RBFOX1: variants seen among roughly 807,000 people sequenced by gnomAD.
The protein encoded by RBFOX1 is RNA binding fox-1 homolog 1, also known as RNA binding protein fox-1 homolog 1.
A neutral mutation model predicts 57.7 loss-of-function variants in RBFOX1; 8 were observed. The observed-to-expected ratio is 0.14, with a 90% CI of 0.08 to 0.25. The LOEUF (loss-of-function observed/expected upper bound fraction) is 0.25, where lower values mean the gene tolerates loss of function less well. Among genes scored for constraint, RBFOX1 ranks in the 10% least tolerant of loss-of-function variants. The probability of loss-of-function intolerance (pLI) is 1.00; values close to 1 mark genes in which losing one functional copy is unlikely to be tolerated. For synonymous variants in RBFOX1, 326 were observed against 222.4 expected (o/e 1.47, Z -4.15); for missense variants, 611 against 548.5 (o/e 1.11, Z -1.14).
chr16:7,446,348 A>G (rs1349667293), intron 4 of RBFOX1, among the ~76,000 whole-genome samples: 3 of 152,166 alleles, frequency 2.0e-5, no homozygotes, highest in Non-Finnish European at 4.4e-5. Context: ...AGGAATGAAA[A>G]TGGTGTGAAT....
chr16:6,292,852 T>A (rs2077613256), intron 1 of RBFOX1, among the ~76,000 whole-genome samples: 1 of 152,224 alleles, frequency 6.6e-6, no homozygotes. Context: ...ACTTCCGTTT[T>A]CTACTTCTTA....
chr16:6,557,832 T>A (rs1337767894), intron 2 of RBFOX1, among the ~76,000 whole-genome samples: 1 of 152,208 alleles, frequency 6.6e-6, no homozygotes, highest in Admixed American at 6.5e-5. Context: ...TAAGTAGATT[T>A]GTAGGCTAAT....
intron 1 of RBFOX1, among the ~76,000 whole-genome samples, chr16:6,271,685 T>C (rs1344404514): frequency 1.3e-5 from 2 of 152,194 alleles, no homozygotes; most frequent in African/African-American, 4.8e-5. Context: ...CACAAACTTA[T>C]CTTTGACAAC....
intron 4 of RBFOX1, among the ~76,000 whole-genome samples, chr16:7,308,863 A>T (rs1417134563): frequency 6.6e-6 from 1 of 152,224 alleles, no homozygotes; most frequent in East Asian, 1.9e-4. Flanking sequence ...ATGACTGTGT[A>T]GAAAAGTTCA....
intron 3 of RBFOX1, among the ~76,000 whole-genome samples, chr16:6,932,344 T>G (rs956835635): frequency 6.6e-6 from 1 of 152,130 alleles, no homozygotes; most frequent in African/African-American, 2.4e-5. Context: ...TGACCTCAGG[T>G]GATCCACCTG....
chr16:6,607,293 C>A (rs1267114930), intron 2 of RBFOX1, among the ~76,000 whole-genome samples: 1 of 152,150 alleles, frequency 6.6e-6, no homozygotes, highest in Admixed American at 6.5e-5. Context: ...AGAGAAATGT[C>A]AGCTCTCATA....
At chr16:5,895,028 AAAT>A (rs2058130226) in intron 4 of RBFOX1, among the ~76,000 whole-genome samples, 1 of 152,082 alleles carries the variant, frequency 6.6e-6, no homozygotes, top group Non-Finnish European at 1.5e-5. Context: ...GTCTAAAAAA[AAAT>A]AAAGAAGTTA....
In RBFOX1 at chr16:5,785,274, G is replaced by A. The variant is rs1156367817; in HGVS notation, c.319-82029G>A. 2.0e-5 allele frequency among the ~76,000 whole-genome samples: 3 copies of A among 152,150 alleles called. No homozygotes were observed. In the South Asian group the frequency reaches 6.2e-4, roughly 32 times the overall value. ...TCAACCTCAACTAAGGAACTTAAATGGTATGTGGCAGGACATTTACCAAAG... is the reference window on the plus strand; with the variant it reads ...TCAACCTCAACTAAGGAACTTAAATAGTATGTGGCAGGACATTTACCAAAG... On this transcript the variant is annotated intron_variant, in intron 3 of 19. Transcript: ENST00000641259.
intron 4 of RBFOX1, among the ~76,000 whole-genome samples, chr16:5,926,252 C>G (rs2152238736): frequency 6.6e-6 from 1 of 152,326 alleles, no homozygotes; most frequent in South Asian, 2.1e-4. Flanking sequence ...CCAGGTCTAT[C>G]TGAGTCTCCT....
intron 3 of RBFOX1, among the ~76,000 whole-genome samples, chr16:6,659,969 G>T (rs1307849342): frequency 6.6e-6 from 1 of 152,120 alleles, no homozygotes; most frequent in African/African-American, 2.4e-5. Context: ...TGTGGCTCAT[G>T]CCTGTAATCC....
At chr16:6,797,027 T>A (rs1020072470) in intron 3 of RBFOX1, among the ~76,000 whole-genome samples, 15 of 152,164 alleles carry the variant, frequency 9.9e-5, no homozygotes, top group African/African-American at 3.6e-4. Flanking sequence ...AGATTTGGAC[T>A]GCTGGTCTAA....
chr16:6,612,193 A>G (rs1264827716), intron 2 of RBFOX1, among the ~76,000 whole-genome samples: 1 of 152,084 alleles, frequency 6.6e-6, no homozygotes, highest in East Asian at 1.9e-4. Flanking sequence ...GGAATTTTAG[A>G]CTCAGGGTAA....
intron 3 of RBFOX1, among the ~76,000 whole-genome samples, chr16:5,684,448 T>C (rs2050441080): frequency 6.6e-6 from 1 of 152,166 alleles, no homozygotes; most frequent in African/African-American, 2.4e-5. Context: ...AACTCCCACG[T>C]GGCACCAGCT....
chr16:7,677,132 T>TACACATACACACACACACAC (rs71394335), intron 14 of RBFOX1, among the ~76,000 whole-genome samples: 13 of 137,858 alleles, frequency 9.4e-5, no homozygotes, highest in Non-Finnish European at 2.1e-4. Flanking sequence ...CACATACACA[T>TACACATACACACACACACAC]ACACACACAC....
rs145589935 is a variant in RBFOX1, at chr16:7,046,737, C to T, written c.-15-5320C>T. Among the ~76,000 whole-genome samples the T allele has an allele frequency of 8.1e-4, 122 of 150,842 alleles. 1 individual carries two copies. In the Middle Eastern group the frequency reaches 0.01, roughly 13 times the overall value. The stretch of plus-strand genomic sequence containing the variant: ...TCTCCTGCCTCAGCCTCCCAAATAG[C>T]TGGGATTACAAGCACGCGCCATCAT... On this transcript the variant is annotated intron_variant, in intron 3 of 15. Transcript: ENST00000550418.
intron 5 of RBFOX1, among the ~76,000 whole-genome samples, chr16:7,547,133 C>G (rs543376205): frequency 6.6e-6 from 1 of 152,278 alleles, no homozygotes; most frequent in Non-Finnish European, 1.5e-5. Context: ...CTAAACAGCA[C>G]TGGCTAACGC....
At chr16:6,982,050 T>C (rs550337406) in intron 3 of RBFOX1, among the ~76,000 whole-genome samples, 1 of 152,328 alleles carries the variant, frequency 6.6e-6, no homozygotes, top group Admixed American at 6.5e-5. Context: ...TGTAAAATTT[T>C]CGTAGTTTTT....
Position 6,339,433 on chromosome 16 carries a change from C to T in RBFOX1, c.-64+22376C>T, listed in dbSNP as rs2084215105. Among the ~76,000 whole-genome samples, 3 of 152,168 alleles carry T rather than the reference C, an allele frequency of 2.0e-5. No homozygotes were observed. In the South Asian group the frequency reaches 6.2e-4, roughly 31 times the overall value. On this transcript the variant is annotated intron_variant, in intron 2 of 15. Transcript: ENST00000550418. The stretch of plus-strand genomic sequence containing the variant: ...GAACGAGGAGCAGCAAACATCAAAT[C>T]CATCTCCCGGAGGAGCTGAGGGCTA...
chr16:6,020,399 C>T (rs1314623275), intron 1 of RBFOX1, among the ~76,000 whole-genome samples: 1 of 152,154 alleles, frequency 6.6e-6, no homozygotes, highest in Non-Finnish European at 1.5e-5. Flanking sequence ...TGCCTCCGCC[C>T]GCAGGGTGTG....
Sources: allele counts gnomAD v4.1 joint callset (sites outside exome capture counted in the v4.1 genomes callset), GRCh38; gene constraint gnomAD v4.1.1; transcripts MANE v1.5; gene names NCBI Gene and HGNC (gene_info 2026-07-23, HGNC 2026-07-21).